TBC1D5: variants seen among roughly 807,000 people sequenced by gnomAD.
TBC1D5 encodes TBC1 domain family, member 5.
In TBC1D5, 75 loss-of-function variants were observed where a neutral mutation model predicts 100.3. That is an observed-to-expected ratio of 0.75 (90% CI 0.62 to 0.91). The LOEUF is 0.91. TBC1D5 is among the 40% of genes least tolerant of loss of function. The pLI, the probability that TBC1D5 is intolerant of heterozygous loss-of-function variation, is 0.00. For synonymous variants in TBC1D5, 323 were observed against 325.6 expected (o/e 0.99, Z 0.09); for missense variants, 910 against 942.4 (o/e 0.97, Z 0.45).
At chr3:17,261,463 T>A (rs1412698542) in intron 15 of TBC1D5, among the ~76,000 whole-genome samples, 1 of 144,388 alleles carries the variant, frequency 6.9e-6, no homozygotes, top group Non-Finnish European at 1.5e-5. Context: ...ACTTGCTCCT[T>A]TTTTGGGGGG....
intron 2 of TBC1D5, among the ~76,000 whole-genome samples, chr3:17,591,827 T>G (rs114842964): frequency 6.6e-6 from 1 of 152,156 alleles, no homozygotes; most frequent in Non-Finnish European, 1.5e-5. Context: ...AAAATAATAT[T>G]GAATCCTTGG....
At chr3:17,335,984 C>T (rs2087710323) in intron 13 of TBC1D5, among the ~76,000 whole-genome samples, 1 of 152,112 alleles carries the variant, frequency 6.6e-6, no homozygotes, top group Non-Finnish European at 1.5e-5. Flanking sequence ...AGATCACTTT[C>T]ATTCTCACTG....
At chr3:17,471,670 CAAAAAAAAAA>C (rs753132440) in intron 3 of TBC1D5, among the ~76,000 whole-genome samples, 8 of 22,288 alleles carry the variant, frequency 3.6e-4, no homozygotes, top group Non-Finnish European at 7.4e-4. Flanking sequence ...GACTCCGTCT[CAAAAAAAAAA>C]AAAAAAAAAA....
intron 3 of TBC1D5, among the ~76,000 whole-genome samples, chr3:17,482,698 CA>C (rs1462522729): frequency 6.6e-6 from 1 of 152,032 alleles, no homozygotes; most frequent in African/African-American, 2.4e-5. Context: ...ATTTTTGGAG[CA>C]AATATAGAGA....
chr3:17,347,805 C>G (rs2151585434), intron 13 of TBC1D5, among the ~76,000 whole-genome samples: 1 of 152,236 alleles, frequency 6.6e-6, no homozygotes, highest in South Asian at 2.1e-4. Flanking sequence ...TTGAGATCAG[C>G]CTGGGCAACA....
At chr3:17,618,737 T>C (rs975696820) in intron 2 of TBC1D5, among the ~76,000 whole-genome samples, 1 of 152,232 alleles carries the variant, frequency 6.6e-6, no homozygotes, top group Non-Finnish European at 1.5e-5. Flanking sequence ...CCTGGTCTGC[T>C]GGTTACTAAG....
Position 17,683,598 on chromosome 3 carries a change from T to C in TBC1D5, c.-101+55745A>G, listed in dbSNP as rs546599360. Among the ~76,000 whole-genome samples the C allele has an allele frequency of 7.2e-5, 11 of 152,274 alleles. No individual in the cohort carries two copies. In the South Asian group the frequency reaches 1.9e-3, roughly 26 times the overall value. ...CTCTCTAAAAAAAGTAAAACAACTT[T>C]GGTTAAAAACTACGGAGTACTATCT... On this transcript the variant is annotated intron_variant, in intron 1 of 21. Coordinates refer to ENST00000253692, the Ensembl canonical transcript of TBC1D5.
At chr3:17,445,866 ATACTT>A (rs2094780033) in intron 3 of TBC1D5, among the ~76,000 whole-genome samples, 1 of 152,286 alleles carries the variant, frequency 6.6e-6, no homozygotes, top group Middle Eastern at 3.4e-3. Context: ...GTGTAATACT[ATACTT>A]ATACAGTTGA....
At chr3:17,310,368 T>C (rs2083880881) in intron 13 of TBC1D5, among the ~76,000 whole-genome samples, 1 of 152,136 alleles carries the variant, frequency 6.6e-6, no homozygotes, top group African/African-American at 2.4e-5. Flanking sequence ...TTTAATGTAT[T>C]ATCTACAATG....
chr3:17,442,171 G>A (rs1300266364), intron 3 of TBC1D5, among the ~76,000 whole-genome samples: 1 of 152,086 alleles, frequency 6.6e-6, no homozygotes, highest in Non-Finnish European at 1.5e-5. Flanking sequence ...CCATTTTTCA[G>A]AAACTAGAAA....
intron 3 of TBC1D5, among the ~76,000 whole-genome samples, chr3:17,428,893 G>C (rs895262967): frequency 2.0e-5 from 3 of 151,958 alleles, no homozygotes; most frequent in Non-Finnish European, 4.4e-5. Flanking sequence ...ACTGTCAAAA[G>C]AGAACAGGCA....
At chr3:17,357,647 T>C (rs1249029977) in intron 13 of TBC1D5, among the ~76,000 whole-genome samples, 1 of 152,222 alleles carries the variant, frequency 6.6e-6, no homozygotes, top group Non-Finnish European at 1.5e-5. Context: ...ATTTATCATA[T>C]TATTACTTAG....
chr3:17,247,191 T>C (rs188683399), intron 16 of TBC1D5, among the ~76,000 whole-genome samples: 1 of 152,284 alleles, frequency 6.6e-6, no homozygotes, highest in Admixed American at 6.5e-5. Flanking sequence ...GGCAACACTT[T>C]GCATGTGTTG....
At chr3:17,582,750 ACT>A (rs1444839197) in intron 2 of TBC1D5, among the ~76,000 whole-genome samples, 4 of 151,858 alleles carry the variant, frequency 2.6e-5, no homozygotes, top group African/African-American at 9.7e-5. Context: ...GGCAATTTAA[ACT>A]CTGATTAAAA....
At chr3:17,545,841 T>G (rs1474307385) in intron 2 of TBC1D5, among the ~76,000 whole-genome samples, 2 of 152,226 alleles carry the variant, frequency 1.3e-5, no homozygotes, top group Non-Finnish European at 2.9e-5. Flanking sequence ...CAAACCATCA[T>G]GCACATTGCT....
chr3:17,563,973 G>A (rs1313655789), intron 2 of TBC1D5, among the ~76,000 whole-genome samples: 7 of 152,180 alleles, frequency 4.6e-5, no homozygotes, highest in East Asian at 1.9e-4. Flanking sequence ...TAGTAGAGAC[G>A]GGGTTTCACC....
At chr3:17,727,374 C>T (rs1323942787) in intron 1 of TBC1D5, among the ~76,000 whole-genome samples, 1 of 151,950 alleles carries the variant, frequency 6.6e-6, no homozygotes, top group Non-Finnish European at 1.5e-5. Context: ...GAGTGAGACT[C>T]GGTCTCAAAA....
rs542532748 is a variant in TBC1D5, at chr3:17,317,799, C to T, written c.996-9665G>A. ...CATTTGGACTGTAAACTAGTTCAAC[C>T]ATTGTGGAAGTCGGTGTGGCGATTC... is the stretch of plus-strand genomic sequence containing the variant. On this transcript the variant is annotated intron_variant, in intron 13 of 21. Transcript: ENST00000253692. 2.6e-5 allele frequency among the ~76,000 whole-genome samples: 4 copies of T among 152,200 alleles called. No homozygotes were observed. In the East Asian group the frequency reaches 7.7e-4, roughly 29 times the overall value.
At chr3:17,697,091 G>C (rs1203693220) in intron 1 of TBC1D5, among the ~76,000 whole-genome samples, 1 of 152,196 alleles carries the variant, frequency 6.6e-6, no homozygotes. Context: ...ACTAGGTATT[G>C]ATGGAACATA....
Sources: allele counts gnomAD v4.1 joint callset (sites outside exome capture counted in the v4.1 genomes callset), GRCh38; gene constraint gnomAD v4.1.1; transcripts MANE v1.5; gene names NCBI Gene and HGNC (gene_info 2026-07-23, HGNC 2026-07-21).